Variants in EPB41L3 observed in about 807,000 individuals in gnomAD.
EPB41L3 encodes erythrocyte membrane protein band 4.1 like 3.
A neutral mutation model predicts 127.1 loss-of-function variants in EPB41L3; 57 were observed. That is an observed-to-expected ratio of 0.45 (90% confidence interval 0.36 to 0.56). The LOEUF (loss-of-function observed/expected upper bound fraction) is 0.56. Among genes scored for constraint, EPB41L3 ranks in the 20% least tolerant of loss-of-function variants. EPB41L3 has a pLI of 0.00. For missense variants in EPB41L3, 1,273 were observed against 1,372.2 expected, an observed-to-expected ratio of 0.93 and a Z score of 1.14; for synonymous variants, 572 against 549.5, an observed-to-expected ratio of 1.04 and a Z score of -0.57.
At chr18:5,433,585 A>G (rs1281714155) in intron 7 of EPB41L3, 29 bp from the exon 8 acceptor site, 1 of 1,581,374 alleles carries the variant, frequency 6.3e-7, no homozygotes, top group Admixed American at 1.7e-5. Flanking sequence ...TGTTACAATG[A>G]TGCTTTTCCC....
At chr18:5,400,541 A>T in intron 16 of EPB41L3, 1 of 457,120 alleles carries the variant, frequency 2.2e-6, no homozygotes, top group Non-Finnish European at 4.4e-6. Flanking sequence ...ATTTGACGAG[A>T]AGTAACCACA....
intron 3 of EPB41L3, among the ~76,000 whole-genome samples, chr18:5,600,249 C>G (rs2094576618): frequency 2.0e-5 from 3 of 152,270 alleles, no homozygotes; most frequent in Admixed American, 6.5e-5. Context: ...AGATTCTTCT[C>G]TTGTCATACT....
chr18:5,595,433 T>C (rs1232474239), intron 3 of EPB41L3, among the ~76,000 whole-genome samples: 1 of 152,102 alleles, frequency 6.6e-6, no homozygotes, highest in Non-Finnish European at 1.5e-5. Context: ...CAGCCTTCCA[T>C]TTTCCAGCCC....
intron 6 of EPB41L3, among the ~76,000 whole-genome samples, chr18:5,436,433 G>A (rs2079826075): frequency 7.1e-6 from 1 of 140,046 alleles, no homozygotes; most frequent in African/African-American, 2.6e-5. Flanking sequence ...TTTTGAGACG[G>A]AGTCTCACTC....
intron 2 of EPB41L3, among the ~76,000 whole-genome samples, chr18:5,485,433 G>C (rs1286224097): frequency 6.6e-6 from 1 of 151,930 alleles, no homozygotes; most frequent in Non-Finnish European, 1.5e-5. Flanking sequence ...CTAAGGACTA[G>C]AACAAGTAAA....
chr18:5,393,674 A>G lies in EPB41L3; in HGVS notation c.*7-196T>C, dbSNP rs80271260. The G allele has an allele frequency of 2.0e-3, 923 of 452,690 alleles. 18 individuals carry two copies. In the East Asian group the frequency reaches 0.027, roughly 13 times the overall value. The allele number at this position is 452,690 out of a possible 1,614,324, so 28.0% of individuals were successfully genotyped here. A position where few individuals can be genotyped will look rare whatever the true frequency, so the allele number is the denominator to read the frequency against. On this transcript the variant is annotated intron_variant, in intron 22 of 22. Transcript: ENST00000341928. ...AACAACGCCCAAGTGGCTGAAGCTC[A>G]TGGAAGAAATCTGTTTTATTTTTTT...
upstream of EPB41L3, among the ~76,000 whole-genome samples, chr18:5,544,771 T>C (rs939814777): frequency 6.6e-5 from 10 of 152,294 alleles, no homozygotes; most frequent in African/African-American, 2.4e-4. Flanking sequence ...AATAATTTGA[T>C]TGTACATTTT....
At chr18:5,414,259 AT>A (rs1397365150) in intron 13 of EPB41L3, among the ~76,000 whole-genome samples, 5 of 152,220 alleles carry the variant, frequency 3.3e-5, no homozygotes, top group Non-Finnish European at 7.3e-5. Context: ...AAAGCCTAGG[AT>A]TTCAAGTAGT....
chr18:5,524,501 C>T (rs1402686269), intron 1 of EPB41L3, among the ~76,000 whole-genome samples: 4 of 152,130 alleles, frequency 2.6e-5, no homozygotes, highest in African/African-American at 9.7e-5. Flanking sequence ...GGTCTGGACT[C>T]TTAACTACTA....
chr18:5,421,772 T>G (rs2077498550), intron 11 of EPB41L3, among the ~76,000 whole-genome samples: 1 of 152,094 alleles, frequency 6.6e-6, no homozygotes, highest in African/African-American at 2.4e-5. Context: ...AAGCTATGGG[T>G]ATGCAAAGGC....
rs993316131 is a variant in EPB41L3 at position 5,610,332 on chromosome 18, C to A, written c.-306+2008G>T. The A allele has an allele frequency of 1.4e-5, 14 of 982,720 alleles. No individual in the cohort carries two copies. In the African/African-American group the frequency reaches 2.5e-4, roughly 17 times the overall value. The allele number at this position is 982,720 out of a possible 1,614,324, so 60.9% of individuals were successfully genotyped here. A position where few individuals can be genotyped will look rare whatever the true frequency, so the allele number is the denominator to read the frequency against. On this transcript the variant is annotated intron_variant, in intron 3 of 21. Transcript: ENST00000545076. ...CACGAGAATGACACTTCCCTCCTTT[C>A]TAGAAGCCACCCCACTGCCAATACA...
intron 3 of EPB41L3, among the ~76,000 whole-genome samples, chr18:5,463,281 T>C (rs1360294369): frequency 6.6e-6 from 1 of 152,110 alleles, no homozygotes; most frequent in African/African-American, 2.4e-5. Flanking sequence ...TACATAAAGC[T>C]CCTCAGAAGC....
chr18:5,427,801 A>G (rs9951353), intron 9 of EPB41L3, among the ~76,000 whole-genome samples: 9,790 of 151,990 alleles, frequency 0.064, 538 homozygotes, highest in African/African-American at 0.16. Context: ...GCTGGAGTGC[A>G]GTGGCACGAT....
Position 5,417,049 on chromosome 18 carries a change from T to C in EPB41L3, c.1507-671A>G, listed in dbSNP as rs556948341. Among the ~76,000 whole-genome samples, 14 of 152,338 alleles carry C rather than the reference T, an allele frequency of 9.2e-5. 1 individual carries two copies. The highest frequency in any genetic ancestry group is 3.1e-4 in the African/African-American group (13 of 41,578). Reference sequence around the variant, plus strand: ...AGAACTGAAGTTCCCTTGAAAGCTCTATTTTGGCTCCTTTATTTAGGATAT... The same window carrying C: ...AGAACTGAAGTTCCCTTGAAAGCTCCATTTTGGCTCCTTTATTTAGGATAT... On this transcript the variant is annotated intron_variant, in intron 12 of 22. Coordinates refer to ENST00000341928, the MANE Select transcript of EPB41L3 (RefSeq NM_012307.5).
At chr18:5,475,927 A>G (rs1243617500) in intron 3 of EPB41L3, among the ~76,000 whole-genome samples, 1 of 151,962 alleles carries the variant, frequency 6.6e-6, no homozygotes. Flanking sequence ...GCCAACACTG[A>G]AGCACACCTT....
At chr18:5,579,871 G>A (rs2094374711) in intron 3 of EPB41L3, among the ~76,000 whole-genome samples, 1 of 152,184 alleles carries the variant, frequency 6.6e-6, no homozygotes, top group Admixed American at 6.5e-5. Flanking sequence ...TAGGATGTGA[G>A]GATTAGAGAT....
At chr18:5,513,829 C>G (rs915225127) in intron 1 of EPB41L3, among the ~76,000 whole-genome samples, 1 of 152,040 alleles carries the variant, frequency 6.6e-6, no homozygotes, top group African/African-American at 2.4e-5. Context: ...ATTACAAAAC[C>G]CAGGATATAC....
At chr18:5,538,431 C>T (rs1160228587) in intron 1 of EPB41L3, among the ~76,000 whole-genome samples, 1 of 152,146 alleles carries the variant, frequency 6.6e-6, no homozygotes, top group Non-Finnish European at 1.5e-5. Flanking sequence ...GGCTGAGAGC[C>T]ATGTAAGACA....
intron 3 of EPB41L3, among the ~76,000 whole-genome samples, chr18:5,585,732 A>G (rs1299723508): frequency 1.3e-5 from 2 of 152,174 alleles, no homozygotes; most frequent in Non-Finnish European, 2.9e-5. Context: ...GGTCCACTTC[A>G]TGAACTGCAT....
Sources: allele counts gnomAD v4.1 joint callset (sites outside exome capture counted in the v4.1 genomes callset), GRCh38; gene constraint gnomAD v4.1.1; transcripts MANE v1.5; gene names NCBI Gene and HGNC (gene_info 2026-07-23, HGNC 2026-07-21).